DHRS7: variants seen among roughly 807,000 people sequenced by gnomAD.
DHRS7 encodes dehydrogenase/reductase SDR family member 7.
In DHRS7, 34 loss-of-function variants were observed where a neutral mutation model predicts 38.9. The observed-to-expected ratio is 0.87, with a 90% CI of 0.66 to 1.16. The LOEUF (loss-of-function observed/expected upper bound fraction) is 1.16. Among genes scored for constraint, DHRS7 ranks in the 50% most tolerant of loss-of-function variants. The pLI, the probability that DHRS7 is intolerant of heterozygous loss-of-function variation, is 0.00. For synonymous variants in DHRS7, 158 were observed against 153.1 expected, an observed-to-expected ratio of 1.03 and a Z score of -0.24; for missense variants, 421 against 407.0, an observed-to-expected ratio of 1.03 and a Z score of -0.30.
upstream of DHRS7, chr14:60,166,228 A>G (rs1428851603): frequency 1.0e-6 from 1 of 985,338 alleles, no homozygotes; most frequent in African/African-American, 1.7e-5. Context: ...CAATAGTAGC[A>G]TCTTTCTTGT....
chr14:60,165,029 C>CCAGG lies in DHRS7; in HGVS notation c.133+147_133+148insCCTG. On this transcript the variant is annotated intron_variant, in intron 1 of 6. Transcript: ENST00000557185. This position sits in a 1 kb window ranked among gnomAD's most constrained non-coding sequence, Gnocchi z 4.6. ...CGCCTCTTCCTCCCCAACCCGCAGC[C>CCAGG]CCTGCGTAAGGGGCAGCCGGGCCTT... The CCAGG allele has an allele frequency of 6.0e-6, 6 of 1,002,880 alleles. No individual in the cohort carries two copies. Among genetic ancestry groups the CCAGG allele is most frequent in the Non-Finnish European group, 8.7e-6 (6 of 686,158 alleles). The allele number at this position is 1,002,880 out of a possible 1,614,324, so 62.1% of individuals were successfully genotyped here. A position where few individuals can be genotyped will look rare whatever the true frequency, so the allele number is the denominator to read the frequency against.
Position 60,150,206 on chromosome 14 carries a change from A to T in DHRS7, c.634-19T>A. On this transcript the variant is annotated intron_variant, in intron 4 of 6. Transcript: ENST00000557185. ...AAAAACCCTAACAGACAAAAAAAAA[A>T]AAAAAGGAAAAAGGCAAATAAATAC... 6.6e-7 allele frequency: 1 copy of T among 1,515,534 alleles called. No homozygotes were observed. Among genetic ancestry groups the T allele is most frequent in the Non-Finnish European group, 8.8e-7 (1 of 1,137,316 alleles). The allele number at this position is 1,515,534 out of a possible 1,614,324, so 93.9% of individuals were successfully genotyped here. A position where few individuals can be genotyped will look rare whatever the true frequency, so the allele number is the denominator to read the frequency against.
At chr14:60,167,511 A>G (rs1479828580), upstream of DHRS7, among the ~76,000 whole-genome samples, 1 of 152,176 alleles carries the variant, frequency 6.6e-6, no homozygotes, top group African/African-American at 2.4e-5. Context: ...AGGCCCATTC[A>G]TGGCAGCTAA....
At position 60,148,062 on chromosome 14, in the gene DHRS7, C is replaced by T. The variant is rs1379074971; in HGVS notation, c.972+1291G>A. 6.6e-6 allele frequency: 1 copy of T among 152,196 alleles called. No homozygotes were observed. Among genetic ancestry groups the T allele is most frequent in the East Asian group, 1.9e-4 (1 of 5,200 alleles). The allele number at this position is 152,196 out of a possible 1,614,324, so 9.4% of individuals were successfully genotyped here. ...TTACTACTTGGTAGAAAACGAAAAG[C>T]TCCTTTTTGATTTTTCACACTCTGG... On this transcript the variant is annotated intron_variant, in intron 6 of 6. Transcript: ENST00000557185. The surrounding 1 kb of genome is among the most constrained non-coding windows in gnomAD (Gnocchi z 4.8).
At chr14:60,147,265 A>G (rs982755062) in intron 6 of DHRS7, 1 of 152,190 alleles carries the variant, frequency 6.6e-6, no homozygotes, top group Admixed American at 6.5e-5. Flanking sequence ...ATTTTCAGTT[A>G]TAAGATAAAT....
chr14:60,152,652 T>G (rs973149922), intron 4 of DHRS7: 9 of 403,494 alleles, frequency 2.2e-5, no homozygotes, highest in African/African-American at 1.8e-4. Flanking sequence ...ATGATACACT[T>G]TTTGAGGGCA....
chr14:60,149,228 C>G, intron 6 of DHRS7, 125 bp downstream of exon 6: 1 of 886,830 alleles, frequency 1.1e-6, no homozygotes. Flanking sequence ...CTTGGCCTCC[C>G]AAAGTGCTGG....
chr14:60,163,399 C>CT (rs1431119833), intron 1 of DHRS7, among the ~76,000 whole-genome samples: 1 of 152,120 alleles, frequency 6.6e-6, no homozygotes, highest in African/African-American at 2.4e-5. Flanking sequence ...AATGACCCTC[C>CT]TACCTTAGCC....
rs781690782 is a variant in DHRS7 at position 60,149,449 on chromosome 14, C to A, written c.876G>T (p.Leu292Phe). The A allele has an allele frequency of 3.1e-6, 5 of 1,614,034 alleles. 1 individual carries two copies. The highest frequency in any genetic ancestry group is 4.2e-6 in the Non-Finnish European group (5 of 1,180,026). ...KEVWISEQPF[L>F]LVTYLWQYMP... ...TGTATTGCCACAAATATGTTACTAA[C>A]AAGAAAGGTTGTTCTGAGATCCAAA... Residue 292 changes from leucine to phenylalanine, a missense_variant, in exon 6 of 7, where the codon TTG becomes TTT. Transcript: ENST00000557185.
rs1352088604 is a variant in DHRS7 at position 60,144,496 on chromosome 14, AT to A, written c.*469del. 6.2e-6 allele frequency: 1 copy of A among 160,146 alleles called. No homozygotes were observed. Among genetic ancestry groups the A allele is most frequent in the East Asian group, 1.9e-4 (1 of 5,328 alleles). 9.9% of individuals were successfully genotyped at this position (160,146 alleles called of 1,614,324 possible). A position where few individuals can be genotyped will look rare whatever the true frequency, so the allele number is the denominator to read the frequency against. On this transcript the variant is annotated 3_prime_UTR_variant, in exon 7 of 7. Transcript: ENST00000557185. ...TCTGTCCCTTCCACCATGTGAGGAC[AT>A]ACATTCCTCCACTGTGGAGGATGCA...
chr14:60,165,874 G>T (rs1896860974), upstream of DHRS7, among the ~76,000 whole-genome samples: 2 of 152,162 alleles, frequency 1.3e-5, no homozygotes, highest in Admixed American at 1.3e-4. This position sits in a 1 kb window ranked among gnomAD's most constrained non-coding sequence, Gnocchi z 4.6. Flanking sequence ...CAAGGCAATG[G>T]TCCCTCCATG....
Position 60,161,130 on chromosome 14 carries a change from T to C in DHRS7, c.133+4047A>G, listed in dbSNP as rs1186228393. On this transcript the variant is annotated intron_variant, in intron 1 of 6. Coordinates refer to ENST00000557185, the MANE Select transcript of DHRS7 (RefSeq NM_016029.4). The surrounding 1 kb of genome is among the most constrained non-coding windows in gnomAD (Gnocchi z 4.2). ...AACTCCTCTGTTTACAGAGTTTTAG[T>C]CACTTTTAACAATTTTTTAAAATTC... Among the ~76,000 whole-genome samples the C allele has an allele frequency of 6.6e-6, 1 of 152,230 alleles. No homozygotes were observed. The highest frequency in any genetic ancestry group is 1.5e-5 in the Non-Finnish European group (1 of 68,042).
chr14:60,165,526 C>A (rs866091525), upstream of DHRS7: 43 of 1,279,684 alleles, frequency 3.4e-5, no homozygotes, highest in African/African-American at 5.6e-4. This position sits in a 1 kb window ranked among gnomAD's most constrained non-coding sequence, Gnocchi z 4.6. Context: ...CGCCCTCATG[C>A]GGCACACCCG....
rs1196322523 is a variant in DHRS7 at position 60,148,634 on chromosome 14, T to C, written c.972+719A>G. 6.6e-6 allele frequency among the ~76,000 whole-genome samples: 1 copy of C among 152,164 alleles called. No individual in the cohort carries two copies. The highest frequency in any genetic ancestry group is 1.9e-4 in the East Asian group (1 of 5,186). On this transcript the variant is annotated intron_variant, in intron 6 of 6. Transcript: ENST00000557185. The surrounding 1 kb of genome is among the most constrained non-coding windows in gnomAD (Gnocchi z 4.8). Reference sequence around the variant, plus strand: ...GCATCTGTTTTAACAACACAGTAAGTGCTTTGACAGGAAAGCATAGGGGCT... The same window carrying C: ...GCATCTGTTTTAACAACACAGTAAGCGCTTTGACAGGAAAGCATAGGGGCT...
intron 1 of DHRS7, among the ~76,000 whole-genome samples, 184 bp downstream of exon 1, chr14:60,164,993 T>C (rs1220498106): frequency 2.6e-5 from 4 of 152,162 alleles, no homozygotes; most frequent in African/African-American, 9.7e-5. Context: ...ACAAAGGGGC[T>C]TTTTAGCCCT....
rs771423612 is a variant in DHRS7 at position 60,153,096 on chromosome 14, A to G, written c.476T>C (p.Ile159Thr). Residue 159 changes from isoleucine (I) to threonine (T), a missense_variant, in exon 4 of 7, where the codon ATA becomes ACA. Transcript: ENST00000557185. The surrounding 1 kb of genome is among the most constrained non-coding windows in gnomAD (Gnocchi z 4.4). ...DTSLDVYRKLIELNYLGTVSL... is the reference protein window; with the variant it reads ...DTSLDVYRKLTELNYLGTVSL... ...CACCGTCCCTAAGTAGTTAAGCTCT[A>G]TTAGCTTTCTGTAGACATCCAAGCT... The G allele has an allele frequency of 1.2e-6, 2 of 1,614,206 alleles. No individual in the cohort carries two copies. Among genetic ancestry groups the G allele is most frequent in the African/African-American group, 1.3e-5 (1 of 75,054 alleles).
rs530803654 is a variant in DHRS7 at position 60,146,605 on chromosome 14, T to C, written c.973-1592A>G. ...ACTCCCATGTTCATTTTAGCATTAT[T>C]CATAATAGCCAAGATATGGAAACAA... On this transcript the variant is annotated intron_variant, in intron 6 of 6. Transcript: ENST00000557185. This position sits in a 1 kb window ranked among gnomAD's most constrained non-coding sequence, Gnocchi z 4.9. 1.3e-5 allele frequency: 2 copies of C among 152,278 alleles called. No homozygotes were observed. Among genetic ancestry groups the C allele is most frequent in the Admixed American group, 6.5e-5 (1 of 15,282 alleles). 9.4% of individuals were successfully genotyped at this position (152,278 alleles called of 1,614,324 possible). A position where few individuals can be genotyped will look rare whatever the true frequency, so the allele number is the denominator to read the frequency against.
In DHRS7 at chr14:60,165,152, G is replaced by A. The variant is rs956109593; in HGVS notation, c.133+25C>T. The A allele has an allele frequency of 1.2e-6, 2 of 1,610,336 alleles. No individual in the cohort carries two copies. Among genetic ancestry groups the A allele is most frequent in the African/African-American group, 2.7e-5 (2 of 74,878 alleles). On this transcript the variant is annotated intron_variant, in intron 1 of 6. Transcript: ENST00000557185. The surrounding 1 kb of genome is among the most constrained non-coding windows in gnomAD (Gnocchi z 4.6). ...CAGCTCCGAGCCCGGCCTCCCACTC[G>A]GGAGAGGCTTTGGCCGGTCCTCACC...
In DHRS7 at chr14:60,146,805, T is replaced by C. The variant is rs1018899941; in HGVS notation, c.973-1792A>G. ...GAATGGACGTTAATGCTAAGTGATA[T>C]AAGCAAGATACAGAAAAACAAGTAC... is the stretch of plus-strand genomic sequence containing the variant. On this transcript the variant is annotated intron_variant, in intron 6 of 6. Coordinates refer to ENST00000557185, the MANE Select transcript of DHRS7 (RefSeq NM_016029.4). This position sits in a 1 kb window ranked among gnomAD's most constrained non-coding sequence, Gnocchi z 4.9. 6 of 152,176 alleles carry C rather than the reference T, an allele frequency of 3.9e-5. No homozygotes were observed. Among genetic ancestry groups the C allele is most frequent in the Non-Finnish European group, 8.8e-5 (6 of 68,030 alleles). 9.4% of individuals were successfully genotyped at this position (152,176 alleles called of 1,614,324 possible).
Sources: allele counts gnomAD v4.1 joint callset (sites outside exome capture counted in the v4.1 genomes callset), GRCh38; gene constraint gnomAD v4.1.1; non-coding constraint Gnocchi (gnomAD v3.1); transcripts MANE v1.5; gene names NCBI Gene and HGNC (gene_info 2026-07-23, HGNC 2026-07-21).